AGBL4: variants seen among roughly 807,000 people sequenced by gnomAD.
AGBL4 encodes cytosolic carboxypeptidase 6.
AGBL4 carries 58 observed loss-of-function variants against 66.4 expected under a neutral mutation model. The observed-to-expected ratio is 0.87, with a 90% CI of 0.71 to 1.09. AGBL4 has a LOEUF of 1.09. Ranked by LOEUF, AGBL4 falls within the 50% of genes least tolerant of loss-of-function variation. The pLI, the probability that AGBL4 is intolerant of heterozygous loss-of-function variation, is 0.00. For synonymous variants in AGBL4, 234 were observed against 222.9 expected, an observed-to-expected ratio of 1.05 and a Z score of -0.44; for missense variants, 579 against 631.0, an observed-to-expected ratio of 0.92 and a Z score of 0.88.
chr1:48,900,044 T>TG (rs1255329678), intron 5 of AGBL4, among the ~76,000 whole-genome samples: 1 of 152,122 alleles, frequency 6.6e-6, no homozygotes, highest in Non-Finnish European at 1.5e-5. Context: ...TTTGGAGTTA[T>TG]GAAGGCAAAG....
At chr1:49,121,153 T>C (rs1303258891) in intron 4 of AGBL4, among the ~76,000 whole-genome samples, 2 of 152,210 alleles carry the variant, frequency 1.3e-5, no homozygotes, top group African/African-American at 4.8e-5. Flanking sequence ...GGTTCGAACA[T>C]GCTCCTTTAG....
chr1:49,857,738 T>C (rs1390767596), intron 1 of AGBL4, among the ~76,000 whole-genome samples: 3 of 152,034 alleles, frequency 2.0e-5, no homozygotes, highest in African/African-American at 4.8e-5. Context: ...ATGTGAATTA[T>C]GGACTTAAAT....
At chr1:49,554,708 G>A (rs1299794466) in intron 3 of AGBL4, among the ~76,000 whole-genome samples, 1 of 152,248 alleles carries the variant, frequency 6.6e-6, no homozygotes, top group South Asian at 2.1e-4. Flanking sequence ...GCGGACCCTC[G>A]CGGTGAGTGT....
At chr1:49,402,199 T>C (rs1645100640) in intron 3 of AGBL4, among the ~76,000 whole-genome samples, 1 of 152,190 alleles carries the variant, frequency 6.6e-6, no homozygotes, top group Non-Finnish European at 1.5e-5. Flanking sequence ...ATGCTTGTTA[T>C]TCCTTTTCTT....
At chr1:49,229,543 T>C (rs1650152673) in intron 4 of AGBL4, among the ~76,000 whole-genome samples, 1 of 152,108 alleles carries the variant, frequency 6.6e-6, no homozygotes, top group South Asian at 2.1e-4. Flanking sequence ...GCTCCAGAAA[T>C]AGCCTGAAAT....
At chr1:49,828,895 C>G (rs2148008894) in intron 2 of AGBL4, among the ~76,000 whole-genome samples, 1 of 152,030 alleles carries the variant, frequency 6.6e-6, no homozygotes, top group Non-Finnish European at 1.5e-5. Context: ...ACGGTGAAAC[C>G]CGTCTCTACT....
At chr1:49,610,646 G>A (rs928191483) in intron 3 of AGBL4, among the ~76,000 whole-genome samples, 1 of 152,150 alleles carries the variant, frequency 6.6e-6, no homozygotes, top group Non-Finnish European at 1.5e-5. Context: ...GGAGCTATTT[G>A]GCCCTTCTCC....
At chr1:49,121,899 C>T (rs1645662091) in intron 4 of AGBL4, among the ~76,000 whole-genome samples, 1 of 152,246 alleles carries the variant, frequency 6.6e-6, no homozygotes, top group Admixed American at 6.5e-5. Context: ...TGTTTACCTA[C>T]TCAAACCTCA....
chr1:48,627,415 G>A (rs958178426), intron 9 of AGBL4, among the ~76,000 whole-genome samples: 17 of 152,108 alleles, frequency 1.1e-4, no homozygotes, highest in African/African-American at 3.4e-4. Context: ...GCTTGTGTGT[G>A]TGTATCTGTG....
rs200241973 is a variant in AGBL4 at position 49,785,893 on chromosome 1, A to T, written c.157+65503T>A. On this transcript the variant is annotated intron_variant, in intron 2 of 13. Transcript: ENST00000371839. ...ACATGAGAAATCCCAGGAAAAAAAA[A>T]ATATATATATATATATATATATATT... 6.4e-3 allele frequency among the ~76,000 whole-genome samples: 905 copies of T among 140,906 alleles called. 5 individuals are homozygous for T. The highest frequency in any genetic ancestry group is 0.021 in the East Asian group (95 of 4,530). The allele number at this position is 140,906 out of a possible 152,430, so 92.4% of individuals were successfully genotyped here.
chr1:48,752,714 G>A (rs1651933698), intron 6 of AGBL4, among the ~76,000 whole-genome samples: 1 of 151,964 alleles, frequency 6.6e-6, no homozygotes, highest in Admixed American at 6.5e-5. Context: ...CCTACTATAT[G>A]CCAGCCTCCA....
chr1:48,931,514 TTCTC>T (rs1190680697), intron 5 of AGBL4, among the ~76,000 whole-genome samples: 1 of 152,146 alleles, frequency 6.6e-6, no homozygotes, highest in Non-Finnish European at 1.5e-5. Flanking sequence ...TTTTCTTTCT[TTCTC>T]TTTCTCTCTC....
At chr1:49,509,930 G>A (rs1649054861) in intron 3 of AGBL4, among the ~76,000 whole-genome samples, 2 of 151,904 alleles carry the variant, frequency 1.3e-5, no homozygotes, top group South Asian at 4.1e-4. Flanking sequence ...ATTCCTTTAG[G>A]AAGAAAACTA....
In AGBL4 at chr1:49,961,577, T is replaced by C. The variant is rs373393150; in HGVS notation, c.34+62186A>G. ...ACTTTTCTACTACTATGAATACCAT[T>C]ACTGCTTCTACTATGACTGTTATTT... is the stretch of plus-strand genomic sequence containing the variant. On this transcript the variant is annotated intron_variant, in intron 1 of 13. Coordinates refer to ENST00000371839, the MANE Select transcript of AGBL4 (RefSeq NM_032785.4). Among the ~76,000 whole-genome samples, 239 of 152,266 alleles carry C rather than the reference T, an allele frequency of 1.6e-3. 1 individual carries two copies. The highest frequency in any genetic ancestry group is 4.9e-3 in the African/African-American group (204 of 41,572).
chr1:49,194,945 C>T (rs1647198428), intron 4 of AGBL4, among the ~76,000 whole-genome samples: 1 of 151,960 alleles, frequency 6.6e-6, no homozygotes, highest in Non-Finnish European at 1.5e-5. Flanking sequence ...TCAACTGATC[C>T]TCCCACCTCA....
At chr1:48,640,850 A>T (rs893499004) in intron 8 of AGBL4, among the ~76,000 whole-genome samples, 4 of 152,230 alleles carry the variant, frequency 2.6e-5, no homozygotes, top group African/African-American at 9.6e-5. Flanking sequence ...CCAAATAAAT[A>T]GCCCCATCTC....
intron 3 of AGBL4, among the ~76,000 whole-genome samples, chr1:49,607,915 AG>A (rs1336215416): frequency 2.0e-4 from 30 of 152,286 alleles, no homozygotes; most frequent in African/African-American, 7.2e-4. Flanking sequence ...TCTCCAGAAC[AG>A]TGTTTAAGGG....
chr1:49,742,584 G>A (rs1284706884), intron 2 of AGBL4, among the ~76,000 whole-genome samples: 13 of 151,916 alleles, frequency 8.6e-5, no homozygotes, highest in Admixed American at 2.6e-4. Flanking sequence ...AAAAGAGCCC[G>A]CATCGCCAAG....
At chr1:48,622,526 C>G (rs1161199468) in intron 9 of AGBL4, among the ~76,000 whole-genome samples, 2 of 139,328 alleles carry the variant, frequency 1.4e-5, no homozygotes, top group African/African-American at 2.6e-5. Flanking sequence ...CTCTGTCACC[C>G]AGGCTGGAGT....
Sources: allele counts gnomAD v4.1 joint callset (sites outside exome capture counted in the v4.1 genomes callset), GRCh38; gene constraint gnomAD v4.1.1; transcripts MANE v1.5; gene names NCBI Gene and HGNC (gene_info 2026-07-23, HGNC 2026-07-21).